The following RAB21 variants were observed in gnomAD, a reference collection of about 807,000 sequenced individuals.
The protein encoded by RAB21 is ras-related protein Rab-21.
Under a neutral mutation model 33.1 loss-of-function variants are expected in RAB21, and 13 were observed. The ratio of observed to expected loss-of-function variants is 0.39; its 90% CI spans 0.26 to 0.62. The LOEUF (loss-of-function observed/expected upper bound fraction) is 0.62, where lower values mean the gene tolerates loss of function less well. Ranked by LOEUF, RAB21 falls within the 20% of genes least tolerant of loss-of-function variation. The probability of loss-of-function intolerance (pLI) is 0.48; values close to 1 mark genes in which losing one functional copy is unlikely to be tolerated. For missense variants in RAB21, 234 were observed against 279.1 expected, an observed-to-expected ratio of 0.84 and a Z score of 1.15; for synonymous variants, 91 against 103.7, an observed-to-expected ratio of 0.88 and a Z score of 0.74.
intron 5 of RAB21, 100 bp downstream of exon 5, chr12:71,782,185 C>T (rs1191152283): frequency 1.7e-6 from 2 of 1,151,166 alleles, no homozygotes; most frequent in East Asian, 4.7e-5. Flanking sequence ...AATCTCTTAG[C>T]ATGGATTGAG....
In RAB21 at chr12:71,796,703, G is replaced by A. The variant is rs999821457; in HGVS notation, c.*11030G>A. The stretch of plus-strand genomic sequence containing the variant: ...TACCTAATAAGTGTGTAGTTTTTAA[G>A]TGAAATCATACATAATTTCAAGGAA... On this transcript the variant is annotated 3_prime_UTR_variant, in exon 7 of 7. Coordinates refer to ENST00000261263, the MANE Select transcript of RAB21 (RefSeq NM_014999.4). The A allele has an allele frequency of 1.0e-5, 1 of 96,498 alleles. No homozygotes were observed. The highest frequency in any genetic ancestry group is 1.9e-5 in the Non-Finnish European group (1 of 51,714). The allele number at this position is 96,498 out of a possible 1,614,324, so 6.0% of individuals were successfully genotyped here.
chr12:71,791,558 A>G lies in RAB21; in HGVS notation c.*5885A>G, dbSNP rs553914560. 6.6e-6 allele frequency: 1 copy of G among 152,216 alleles called. No individual in the cohort carries two copies. Among genetic ancestry groups the G allele is most frequent in the East Asian group, 1.9e-4 (1 of 5,200 alleles). The allele number at this position is 152,216 out of a possible 1,614,324, so 9.4% of individuals were successfully genotyped here. On this transcript the variant is annotated 3_prime_UTR_variant, in exon 7 of 7. Coordinates refer to ENST00000261263, the MANE Select transcript of RAB21 (RefSeq NM_014999.4). ...ACAAGATAAACTAAAACAAGTCTTT[A>G]TACAACTCTGACAGCAACTCCCATA...
At chr12:71,758,385 G>T (rs368151394) in intron 1 of RAB21, among the ~76,000 whole-genome samples, 1 of 152,096 alleles carries the variant, frequency 6.6e-6, no homozygotes, top group East Asian at 1.9e-4. Context: ...GAGTCTTGGT[G>T]TCTCATATGA....
At position 71,795,196 on chromosome 12, in the gene RAB21, T is replaced by C. The variant is rs1401385737; in HGVS notation, c.*9523T>C. ...ATGGATTTCATTAGAGAAATAAAAA[T>C]GAGCAAGATTTGTGATTCAGAATAT... On this transcript the variant is annotated 3_prime_UTR_variant, in exon 7 of 7. Coordinates refer to ENST00000261263, the MANE Select transcript of RAB21 (RefSeq NM_014999.4). 1 of 152,172 alleles carries C rather than the reference T, an allele frequency of 6.6e-6. No homozygotes were observed. Among genetic ancestry groups the C allele is most frequent in the African/African-American group, 2.4e-5 (1 of 41,440 alleles). The allele number at this position is 152,172 out of a possible 1,614,324, so 9.4% of individuals were successfully genotyped here. A position where few individuals can be genotyped will look rare whatever the true frequency, so the allele number is the denominator to read the frequency against.
At chr12:71,755,567 G>GT (rs1341705168) in intron 1 of RAB21, among the ~76,000 whole-genome samples, 3 of 152,206 alleles carry the variant, frequency 2.0e-5, no homozygotes, top group East Asian at 3.9e-4. Flanking sequence ...TCCGTGGGCT[G>GT]TTTTTTCCCA....
intron 6 of RAB21, 104 bp from the exon 7 acceptor site, chr12:71,785,427 T>C: frequency 1.5e-6 from 2 of 1,307,688 alleles, no homozygotes; most frequent in Non-Finnish European, 1.1e-6. Context: ...GTTTCTTTGT[T>C]GGTCGAAAGT....
chr12:71,789,640 A>C lies in RAB21; in HGVS notation c.*3967A>C, dbSNP rs551897367. Reference sequence around the variant, plus strand: ...ATGTCTAAAGATATAAACTGAGTAGATCCCTAAGTACTCTTCTCTAAATTA... The same window carrying C: ...ATGTCTAAAGATATAAACTGAGTAGCTCCCTAAGTACTCTTCTCTAAATTA... On this transcript the variant is annotated 3_prime_UTR_variant, in exon 7 of 7. Transcript: ENST00000261263. 1 of 152,240 alleles carries C rather than the reference A, an allele frequency of 6.6e-6. No homozygotes were observed. Among genetic ancestry groups the C allele is most frequent in the South Asian group, 2.1e-4 (1 of 4,828 alleles). The allele number at this position is 152,240 out of a possible 1,614,324, so 9.4% of individuals were successfully genotyped here.
rs532146299 is a variant in RAB21 at position 71,788,581 on chromosome 12, C to T, written c.*2908C>T. ...ATGCTTTCTTCATTTCTCTAATATA[C>T]CTTTTGCATTCTTTTTCTGATAATT... On this transcript the variant is annotated 3_prime_UTR_variant, in exon 7 of 7. Transcript: ENST00000261263. 39 of 152,228 alleles carry T rather than the reference C, an allele frequency of 2.6e-4. No homozygotes were observed. The highest frequency in any genetic ancestry group is 8.4e-4 in the African/African-American group (35 of 41,546). The allele number at this position is 152,228 out of a possible 1,614,324, so 9.4% of individuals were successfully genotyped here.
At chr12:71,772,344 C>T (rs1485188126) in intron 3 of RAB21, among the ~76,000 whole-genome samples, 1 of 152,184 alleles carries the variant, frequency 6.6e-6, no homozygotes, top group East Asian at 1.9e-4. Flanking sequence ...ACCAGGCCTT[C>T]TTAAGACTTA....
At chr12:71,774,107 TATATG>T (rs1883082784) in intron 4 of RAB21, 85 bp downstream of exon 4, 1 of 906,908 alleles carries the variant, frequency 1.1e-6, no homozygotes, top group Non-Finnish European at 1.6e-6. Context: ...GTTTTAAAGT[TATATG>T]AGAAAGGAAG....
intron 1 of RAB21, 78 bp downstream of exon 1, chr12:71,755,366 T>G: frequency 7.2e-7 from 1 of 1,393,434 alleles, no homozygotes; most frequent in Non-Finnish European, 9.3e-7. Context: ...GCCGCCCTGG[T>G]CCCCTGGATG....
At chr12:71,774,883 C>A (rs888217436) in intron 4 of RAB21, among the ~76,000 whole-genome samples, 9 of 152,018 alleles carry the variant, frequency 5.9e-5, no homozygotes, top group Admixed American at 3.3e-4. Flanking sequence ...CCCAGCCTTG[C>A]TTCAATTTGA....
chr12:71,774,617 C>T (rs1460320727), intron 4 of RAB21, among the ~76,000 whole-genome samples: 1 of 148,718 alleles, frequency 6.7e-6, no homozygotes, highest in Non-Finnish European at 1.5e-5. Context: ...AATAGCTGGG[C>T]GTGGTGGCGG....
At chr12:71,782,712 TA>T in intron 6 of RAB21, 54 bp downstream of exon 6, 1 of 1,229,146 alleles carries the variant, frequency 8.1e-7, no homozygotes. Context: ...TTTTATTTTT[TA>T]AAAAATAGTA....
At chr12:71,784,949 C>T (rs1883261128) in intron 6 of RAB21, among the ~76,000 whole-genome samples, 1 of 151,760 alleles carries the variant, frequency 6.6e-6, no homozygotes, top group African/African-American at 2.4e-5. Context: ...AAAACTCAGC[C>T]AGGCATGGTG....
chr12:71,793,533 C>G lies in RAB21; in HGVS notation c.*7860C>G, dbSNP rs1334801173. On this transcript the variant is annotated 3_prime_UTR_variant, in exon 7 of 7. Transcript: ENST00000261263. Reference sequence around the variant, plus strand: ...GCGAAATCATCCGTTTAAACACACACACACAAACTATCCCATTAGTTGGTT... The same window carrying G: ...GCGAAATCATCCGTTTAAACACACAGACACAAACTATCCCATTAGTTGGTT... 1 of 152,174 alleles carries G rather than the reference C, an allele frequency of 6.6e-6. No individual in the cohort carries two copies. Among genetic ancestry groups the G allele is most frequent in the Non-Finnish European group, 1.5e-5 (1 of 68,026 alleles). 9.4% of individuals were successfully genotyped at this position (152,174 alleles called of 1,614,324 possible). A position where few individuals can be genotyped will look rare whatever the true frequency, so the allele number is the denominator to read the frequency against.
In RAB21 at chr12:71,787,666, C is replaced by CT. The variant is rs1218120437; in HGVS notation, c.*1996dup. The CT allele has an allele frequency of 6.6e-6, 1 of 152,216 alleles. No homozygotes were observed. The highest frequency in any genetic ancestry group is 1.5e-5 in the Non-Finnish European group (1 of 68,036). 9.4% of individuals were successfully genotyped at this position (152,216 alleles called of 1,614,324 possible). On this transcript the variant is annotated 3_prime_UTR_variant, in exon 7 of 7. Transcript: ENST00000261263. ...CTGGGAGGCATTCTGTGAGCCTTCA[C>CT]TTTACCTTCTTTAATTATTGTCCTT...
intron 1 of RAB21, among the ~76,000 whole-genome samples, chr12:71,758,329 G>A (rs745975495): frequency 6.6e-6 from 1 of 151,892 alleles, no homozygotes; most frequent in Non-Finnish European, 1.5e-5. Flanking sequence ...CACCACTTCC[G>A]GTCCTATTTT....
rs1371179763 is a variant in RAB21, at chr12:71,799,653, A to C, written c.*13980A>C. 6 of 152,246 alleles carry C rather than the reference A, an allele frequency of 3.9e-5. No homozygotes were observed. Among genetic ancestry groups the C allele is most frequent in the Non-Finnish European group, 1.5e-5 (1 of 68,040 alleles). The allele number at this position is 152,246 out of a possible 1,614,324, so 9.4% of individuals were successfully genotyped here. A position where few individuals can be genotyped will look rare whatever the true frequency, so the allele number is the denominator to read the frequency against. ...AAAAAAGAGAATGAGAAAGCTTTGCATATTTAAAAGAAACCATCAACAGGA... is the reference window on the plus strand; with the variant it reads ...AAAAAAGAGAATGAGAAAGCTTTGCCTATTTAAAAGAAACCATCAACAGGA... On this transcript the variant is annotated 3_prime_UTR_variant, in exon 7 of 7. Coordinates refer to ENST00000261263, the MANE Select transcript of RAB21 (RefSeq NM_014999.4).
Sources: allele counts gnomAD v4.1 joint callset (sites outside exome capture counted in the v4.1 genomes callset), GRCh38; gene constraint gnomAD v4.1.1; transcripts MANE v1.5; gene names NCBI Gene and HGNC (gene_info 2026-07-23, HGNC 2026-07-21).